ZNF775: variants seen among roughly 807,000 people sequenced by gnomAD.
The protein encoded by ZNF775 is zinc finger protein 775.
A neutral mutation model predicts 2.4 loss-of-function variants in ZNF775; 1 was observed. That is an observed-to-expected ratio of 0.41 (90% CI 0.15 to 1.94). The LOEUF (loss-of-function observed/expected upper bound fraction) is 1.94, where lower values mean the gene tolerates loss of function less well. Among genes scored for constraint, ZNF775 ranks in the 30% most tolerant of loss-of-function variants. The probability of loss-of-function intolerance (pLI) is 0.30; values close to 1 mark genes in which losing one functional copy is unlikely to be tolerated. For missense variants in ZNF775, 823 were observed against 826.6 expected (o/e 1.00, Z 0.05); for synonymous variants, 381 against 373.3 (o/e 1.02, Z -0.24).
chr7:150,389,062 G>C (rs1293023955), intron 2 of ZNF775, among the ~76,000 whole-genome samples: 1 of 152,254 alleles, frequency 6.6e-6, no homozygotes, highest in Non-Finnish European at 1.5e-5. Context: ...CCCTGCGCCT[G>C]GAGTGGAGCA....
chr7:150,385,478 C>T (rs1335366620), intron 1 of ZNF775, among the ~76,000 whole-genome samples: 13 of 148,480 alleles, frequency 8.8e-5, no homozygotes, highest in African/African-American at 3.2e-4. Flanking sequence ...TGCAATACCC[C>T]GAGTGACTGC....
chr7:150,397,766 C>A lies in ZNF775; in HGVS notation c.1285C>A (p.Leu429Met), dbSNP rs771105072. Residue 429 changes from leucine (L) to methionine (M), a missense_variant, in exon 3 of 3, where the codon CTG becomes ATG. By Grantham distance (15) the Leu-to-Met change is conservative. Coordinates refer to ENST00000329630, the MANE Select transcript of ZNF775 (RefSeq NM_173680.4). ...ACGGTCCCCGGGGGCCCGGGACACG[C>A]TGTGGGGCCGGGGACAAGCGGGCCT... Reference protein sequence around the residue: ...SQRSPGARDTLWGRGQAGLAG... With the variant: ...SQRSPGARDTMWGRGQAGLAG... 14 of 1,524,178 alleles carry A rather than the reference C, an allele frequency of 9.2e-6. No individual in the cohort carries two copies. Among genetic ancestry groups the A allele is most frequent in the Non-Finnish European group, 1.1e-5 (13 of 1,140,244 alleles). 94.4% of individuals were successfully genotyped at this position (1,524,178 alleles called of 1,614,324 possible).
At position 150,397,139 on chromosome 7, in the gene ZNF775, T is replaced by C; in HGVS notation, c.658T>C (p.Ser220Pro). ...CGCGCACGCCCGGGACCGCCAGGGC[T>C]CCCGCGCCGGCCTGCACGAGCTGAT... ...QRAHARDRQG[S>P]RAGLHELIQD... Residue 220 changes from serine to proline, a missense_variant, in exon 3 of 3, where the codon TCC (serine) becomes CCC (proline). Coordinates refer to ENST00000329630, the MANE Select transcript of ZNF775 (RefSeq NM_173680.4). 4 of 1,496,118 alleles carry C rather than the reference T, an allele frequency of 2.7e-6. No individual in the cohort carries two copies. Among genetic ancestry groups the C allele is most frequent in the African/African-American group, 1.4e-5 (1 of 69,040 alleles). 92.7% of individuals were successfully genotyped at this position (1,496,118 alleles called of 1,614,324 possible). A position where few individuals can be genotyped will look rare whatever the true frequency, so the allele number is the denominator to read the frequency against.
chr7:150,380,340 T>C (rs1368110020), intron 1 of ZNF775, among the ~76,000 whole-genome samples: 1 of 152,226 alleles, frequency 6.6e-6, no homozygotes, highest in Non-Finnish European at 1.5e-5. Flanking sequence ...GTGGAGCCTG[T>C]ACTGGGTGCA....
At chr7:150,393,857 A>G (rs1238193328) in intron 2 of ZNF775, among the ~76,000 whole-genome samples, 1 of 152,066 alleles carries the variant, frequency 6.6e-6, no homozygotes, top group African/African-American at 2.4e-5. Context: ...TTTAGTAGAG[A>G]TGGGGTTTCA....
At chr7:150,391,822 C>A (rs1383506978) in intron 2 of ZNF775, among the ~76,000 whole-genome samples, 1 of 146,360 alleles carries the variant, frequency 6.8e-6, no homozygotes, top group Non-Finnish European at 1.5e-5. Flanking sequence ...GGTGATTTTC[C>A]TGCCTCAGCC....
At chr7:150,387,037 C>A (rs1286384833) in intron 1 of ZNF775, among the ~76,000 whole-genome samples, 1 of 152,170 alleles carries the variant, frequency 6.6e-6, no homozygotes, top group Non-Finnish European at 1.5e-5. Context: ...TGGCTCACGC[C>A]TGTAATCCCA....
chr7:150,382,363 C>T lies in ZNF775; in HGVS notation c.-50+2971C>T, dbSNP rs906256344. Among the ~76,000 whole-genome samples the T allele has an allele frequency of 2.0e-5, 3 of 152,178 alleles. No individual in the cohort carries two copies. The highest frequency in any genetic ancestry group is 6.5e-5 in the Admixed American group (1 of 15,288). On this transcript the variant is annotated intron_variant, in intron 1 of 2. Transcript: ENST00000329630. The surrounding 1 kb of genome is among the most constrained non-coding windows in gnomAD (Gnocchi z 4.6). Reference sequence around the variant, plus strand: ...GGGAGCAGGTATTTCCGTTCACCTGCGCCTTCAAGAACCTGAGCTCAAAGC... The same window carrying T: ...GGGAGCAGGTATTTCCGTTCACCTGTGCCTTCAAGAACCTGAGCTCAAAGC...
At chr7:150,390,402 T>C (rs1014980964) in intron 2 of ZNF775, among the ~76,000 whole-genome samples, 1 of 152,240 alleles carries the variant, frequency 6.6e-6, no homozygotes, top group Non-Finnish European at 1.5e-5. Context: ...CACAGTCATC[T>C]TTCTGGCTGG....
intron 2 of ZNF775, among the ~76,000 whole-genome samples, chr7:150,391,388 A>G (rs1289404071): frequency 2.0e-5 from 3 of 152,114 alleles, no homozygotes; most frequent in African/African-American, 4.8e-5. Context: ...GGCGCATGCA[A>G]TCACAGCTAC....
At position 150,396,892 on chromosome 7, in the gene ZNF775, C is replaced by T. The variant is rs772392872; in HGVS notation, c.411C>T (p.Cys137=). ...ACACCGGGGAGAAGCCGTACCTCTGCGGCAAGTGCGGCAAGAGCTTCAGCC... is the reference window on the plus strand; with the variant it reads ...ACACCGGGGAGAAGCCGTACCTCTGTGGCAAGTGCGGCAAGAGCTTCAGCC... The part of the protein sequence containing the change: ...RTHTGEKPYL[C]GKCGKSFSQK... Residue 137 remains cysteine (C), a synonymous_variant, in exon 3 of 3, where the codon TGC becomes TGT. Coordinates refer to ENST00000329630, the MANE Select transcript of ZNF775 (RefSeq NM_173680.4). 1.2e-5 allele frequency: 19 copies of T among 1,602,272 alleles called. No homozygotes were observed. The East Asian group carries it at 4.2e-4, about 36-fold the overall frequency.
chr7:150,398,597 C>T lies in ZNF775; in HGVS notation c.*502C>T, dbSNP rs180731552. On this transcript the variant is annotated 3_prime_UTR_variant, in exon 3 of 3. Transcript: ENST00000329630. ...CCCAGCACCAGGGCCACTGCTGGCA[C>T]GTCGTAGACATCCAATAAATATTTT... 3 of 160,712 alleles carry T rather than the reference C, an allele frequency of 1.9e-5. No individual in the cohort carries two copies. Among genetic ancestry groups the T allele is most frequent in the African/African-American group, 7.2e-5 (3 of 41,634 alleles). The allele number at this position is 160,712 out of a possible 1,614,324, so 10.0% of individuals were successfully genotyped here.
chr7:150,384,888 T>C lies in ZNF775; in HGVS notation c.-49-3534T>C, dbSNP rs190517214. On this transcript the variant is annotated intron_variant, in intron 1 of 2. Coordinates refer to ENST00000329630, the MANE Select transcript of ZNF775 (RefSeq NM_173680.4). This position sits in a 1 kb window ranked among gnomAD's most constrained non-coding sequence, Gnocchi z 4.1. ...AGGCAGGGTGGGTGAAGTAGGACTG[T>C]CTTTGATTTGCCTTGGGGGTCTCGC... Among the ~76,000 whole-genome samples, 10 of 152,238 alleles carry C rather than the reference T, an allele frequency of 6.6e-5. 2 individuals are homozygous for C. Among genetic ancestry groups the C allele is most frequent in the African/African-American group, 2.2e-4 (9 of 41,538 alleles).
intron 1 of ZNF775, among the ~76,000 whole-genome samples, chr7:150,387,887 A>G (rs1003493169): frequency 2.6e-5 from 4 of 152,046 alleles, no homozygotes; most frequent in African/African-American, 9.7e-5. Flanking sequence ...GTGTTCTTGT[A>G]TGGAGATGGC....
chr7:150,397,298 G>C lies in ZNF775; in HGVS notation c.817G>C (p.Glu273Gln), dbSNP rs751788041. 1 of 1,559,392 alleles carries C rather than the reference G, an allele frequency of 6.4e-7. No individual in the cohort carries two copies. Among genetic ancestry groups the C allele is most frequent in the East Asian group, 2.4e-5 (1 of 42,192 alleles). Residue 273 changes from glutamate to glutamine, a missense_variant, in exon 3 of 3, where the codon GAG (glutamate) becomes CAG (glutamine). Coordinates refer to ENST00000329630, the MANE Select transcript of ZNF775 (RefSeq NM_173680.4). Reference protein sequence around the residue: ...PGARAAVSGPEGPGEPRQFIC... With the variant: ...PGARAAVSGPQGPGEPRQFIC... Reference sequence around the variant, plus strand: ...GGCCCGGGCCGCGGTCTCCGGCCCCGAGGGGCCGGGCGAGCCGCGCCAGTT... The same window carrying C: ...GGCCCGGGCCGCGGTCTCCGGCCCCCAGGGGCCGGGCGAGCCGCGCCAGTT...
At position 150,397,033 on chromosome 7, in the gene ZNF775, C is replaced by T. The variant is rs1043011464; in HGVS notation, c.552C>T (p.Thr184=). Residue 184 remains threonine (T), a synonymous_variant, in exon 3 of 3, where the codon ACC becomes ACT. Coordinates refer to ENST00000329630, the MANE Select transcript of ZNF775 (RefSeq NM_173680.4). Reference sequence around the variant, plus strand: ...AGCACCTGCTCAAGCACCAGAAGACCCACTCCCGGCCCGCCACCCACTCGT... The same window carrying T: ...AGCACCTGCTCAAGCACCAGAAGACTCACTCCCGGCCCGCCACCCACTCGT... ...QKQHLLKHQK[T]HSRPATHSCP... The T allele has an allele frequency of 1.8e-5, 29 of 1,597,248 alleles. No homozygotes were observed. Among genetic ancestry groups the T allele is most frequent in the Non-Finnish European group, 2.5e-5 (29 of 1,178,272 alleles).
chr7:150,389,469 C>T (rs919947007), intron 2 of ZNF775, among the ~76,000 whole-genome samples: 7 of 152,256 alleles, frequency 4.6e-5, no homozygotes, highest in Admixed American at 1.3e-4. Context: ...CATGCAGCTG[C>T]GTGCCTGTCC....
At chr7:150,395,908 C>CCCCTT (rs1800638066) in intron 2 of ZNF775, among the ~76,000 whole-genome samples, 3 of 152,142 alleles carry the variant, frequency 2.0e-5, no homozygotes, top group Non-Finnish European at 2.9e-5. Context: ...GCCAAGGTCC[C>CCCCTT]AGCAGGTGAA....
rs1358620498 is a variant in ZNF775, at chr7:150,397,181, C to T, written c.700C>T (p.Arg234Cys). 84 of 1,260,974 alleles carry T rather than the reference C, an allele frequency of 6.7e-5. No individual in the cohort carries two copies. The highest frequency in any genetic ancestry group is 6.2e-5 in the Non-Finnish European group (62 of 1,004,450). The allele number at this position is 1,260,974 out of a possible 1,614,324, so 78.1% of individuals were successfully genotyped here. A position where few individuals can be genotyped will look rare whatever the true frequency, so the allele number is the denominator to read the frequency against. The change falls in exon 3 of 3, where the codon CGC (arginine) becomes TGC (cysteine). Residue 234 changes from arginine to cysteine, a missense_variant. By Grantham distance (180) the Arg-to-Cys change is radical. Transcript: ENST00000329630. ...CGAGCTGATTCAGGACGCGGCGGCG[C>T]GCCGGGCCTGTCGCCTGCAGCCGGG... is the stretch of plus-strand genomic sequence containing the variant. ...LHELIQDAAARRACRLQPGPP... is the reference protein window; with the variant it reads ...LHELIQDAAACRACRLQPGPP...
Sources: gnomAD v4.1 joint callset for allele counts (sites outside exome capture counted in the v4.1 genomes callset) on GRCh38, gnomAD v4.1.1 for gene constraint, Gnocchi (gnomAD v3.1) non-coding constraint, MANE v1.5 for transcripts, NCBI Gene and HGNC (gene_info 2026-07-23, HGNC 2026-07-21) for gene names.